NME5: variants seen among roughly 807,000 people sequenced by gnomAD.
The protein encoded by NME5 is NME/NM23 family member 5.
A neutral mutation model predicts 21.6 loss-of-function variants in NME5; 18 were observed. The ratio of observed to expected loss-of-function variants is 0.83; its 90% CI spans 0.58 to 1.24. The LOEUF (loss-of-function observed/expected upper bound fraction) is 1.24, where lower values mean the gene tolerates loss of function less well. Ranked by LOEUF, NME5 falls within the 50% of genes most tolerant of loss-of-function variation. The pLI, the probability that NME5 is intolerant of heterozygous loss-of-function variation, is 0.00. For missense variants in NME5, 223 were observed against 255.4 expected (o/e 0.87, Z 0.86); for synonymous variants, 70 against 80.6 (o/e 0.87, Z 0.71).
chr5:138,138,578 G>C, intron 2 of NME5, 74 bp downstream of exon 2: 1 of 1,311,464 alleles, frequency 7.6e-7, no homozygotes, highest in Non-Finnish European at 1.1e-6. Flanking sequence ...TAAATGGGTA[G>C]GCACATTTAC....
At chr5:138,118,164 T>C (rs1280321033) in intron 5 of NME5, among the ~76,000 whole-genome samples, 3 of 150,996 alleles carry the variant, frequency 2.0e-5, no homozygotes, top group East Asian at 2.0e-4. Flanking sequence ...CTCGCTCTGT[T>C]GCCCAGGCTG....
chr5:138,130,506 A>G (rs1272385525), intron 2 of NME5, among the ~76,000 whole-genome samples: 2 of 152,216 alleles, frequency 1.3e-5, no homozygotes, highest in East Asian at 1.9e-4. Context: ...AAGAAAAATT[A>G]GGCCAGGCAT....
chr5:138,131,108 T>C lies in NME5; in HGVS notation c.130-1640A>G, dbSNP rs1478007868. ...TAGGCCAGGCGCAGTGACTCACGCCTGTAATCCCAGCACTTTGGGAGGCCG... is the reference window on the plus strand; with the variant it reads ...TAGGCCAGGCGCAGTGACTCACGCCCGTAATCCCAGCACTTTGGGAGGCCG... On this transcript the variant is annotated intron_variant, in intron 2 of 5. Coordinates refer to ENST00000265191, the MANE Select transcript of NME5 (RefSeq NM_003551.3). Among the ~76,000 whole-genome samples, 3 of 148,690 alleles carry C rather than the reference T, an allele frequency of 2.0e-5. No individual in the cohort carries two copies. In the East Asian group the frequency reaches 6.0e-4, roughly 29 times the overall value.
At chr5:138,121,372 G>A (rs1009387004) in intron 4 of NME5, among the ~76,000 whole-genome samples, 17 of 151,926 alleles carry the variant, frequency 1.1e-4, no homozygotes, top group Non-Finnish European at 2.5e-4. Context: ...GGCTGTAGTG[G>A]GCACCACTGC....
Position 138,128,550 on chromosome 5 carries a change from A to C in NME5, c.365T>G (p.Leu122Arg). 8 of 1,612,462 alleles carry C rather than the reference A, an allele frequency of 5.0e-6. No individual in the cohort carries two copies. Among genetic ancestry groups the C allele is most frequent in the Non-Finnish European group, 6.8e-6 (8 of 1,179,530 alleles). Residue 122 changes from leucine to arginine, a missense_variant, in exon 4 of 6, where the codon CTA (leucine) becomes CGA (arginine). Coordinates refer to ENST00000265191, the MANE Select transcript of NME5 (RefSeq NM_003551.3). ...ATTACTCCCATGAAGTGCATTCCTT[A>C]GGTCATCTGTGCCATAAATTGCCCT... is the stretch of plus-strand genomic sequence containing the variant. ...SLRAIYGTDD[L>R]RNALHGSNDF...
Position 138,115,346 on chromosome 5 carries a change from A to G in NME5, c.*335T>C, listed in dbSNP as rs1751134940. The G allele has an allele frequency of 6.0e-6, 1 of 167,268 alleles. No homozygotes were observed. The highest frequency in any genetic ancestry group is 6.1e-5 in the Admixed American group (1 of 16,504). The allele number at this position is 167,268 out of a possible 1,614,324, so 10.4% of individuals were successfully genotyped here. ...AGACTGTCTCAACTGTGCATTAATT[A>G]TGTATTTAGATATAGGATATGTGCT... On this transcript the variant is annotated 3_prime_UTR_variant, in exon 6 of 6. Coordinates refer to ENST00000265191, the MANE Select transcript of NME5 (RefSeq NM_003551.3).
At chr5:138,119,040 G>A (rs1298173142) in intron 4 of NME5, 104 bp from the exon 5 acceptor site, 13 of 649,212 alleles carry the variant, frequency 2.0e-5, no homozygotes, top group Non-Finnish European at 3.1e-5. Flanking sequence ...TTTTTTATAT[G>A]TTTTTTTGAG....
At chr5:138,118,690 A>T in intron 5 of NME5, 128 bp downstream of exon 5, 1 of 552,714 alleles carries the variant, frequency 1.8e-6, no homozygotes. Context: ...TCACCATGTT[A>T]GTCAGGCTGG....
chr5:138,128,383 A>T (rs1391799939), intron 4 of NME5, 96 bp downstream of exon 4: 5 of 949,640 alleles, frequency 5.3e-6, no homozygotes, highest in East Asian at 2.7e-5. Context: ...CTGGAAAAAA[A>T]ATTATTTTAT....
At chr5:138,129,209 TC>T in intron 3 of NME5, 53 bp downstream of exon 3, 3 of 1,336,628 alleles carry the variant, frequency 2.2e-6, no homozygotes, top group South Asian at 1.3e-5. Flanking sequence ...TTTTTTTTTT[TC>T]ATTTTCACAG....
chr5:138,139,301 C>T (rs1751815185), intron 1 of NME5, 70 bp downstream of exon 1: 1 of 910,446 alleles, frequency 1.1e-6, no homozygotes, highest in African/African-American at 1.8e-5. Flanking sequence ...AAAAGCAGGG[C>T]CTCTAGGTCC....
chr5:138,138,854 C>T lies in NME5; in HGVS notation c.-5-69G>A, dbSNP rs1005526044. On this transcript the variant is annotated intron_variant, in intron 1 of 5. Coordinates refer to ENST00000265191, the MANE Select transcript of NME5 (RefSeq NM_003551.3). ...GCAATGACATGCATTTCCCCCCACC[C>T]CCATCGCAAATTCAATGTAATTATG... The T allele has an allele frequency of 2.4e-5, 34 of 1,392,550 alleles. No individual in the cohort carries two copies. In the Admixed American group the frequency reaches 6.6e-4, roughly 27 times the overall value. 86.3% of individuals were successfully genotyped at this position (1,392,550 alleles called of 1,614,324 possible).
rs376645864 is a variant in NME5 at position 138,117,033 on chromosome 5, C to A, written c.556-1269G>T. Among the ~76,000 whole-genome samples the A allele has an allele frequency of 1.6e-4, 24 of 151,734 alleles. No homozygotes were observed. In the East Asian group the frequency reaches 1.9e-3, roughly 12 times the overall value. ...GACCAGCCTGGGCAACATAGGGAGA[C>A]CCCATCTCTACAAAAAATTTTAAAA... is the stretch of plus-strand genomic sequence containing the variant. On this transcript the variant is annotated intron_variant, in intron 5 of 5. Transcript: ENST00000265191.
Position 138,138,649 on chromosome 5 carries a change from T to G in NME5, c.129+3A>C, listed in dbSNP as rs769089654. ...AGCATGAATCATCATACCCAGAAGT[T>G]ACCTGAACAATGGTGAATCCGGATC... On this transcript the variant is annotated splice_donor_region_variant and intron_variant, in intron 2 of 5. Coordinates refer to ENST00000265191, the MANE Select transcript of NME5 (RefSeq NM_003551.3). 1 of 1,609,494 alleles carries G rather than the reference T, an allele frequency of 6.2e-7. No homozygotes were observed. The highest frequency in any genetic ancestry group is 8.5e-7 in the Non-Finnish European group (1 of 1,178,858).
chr5:138,127,096 G>T (rs572735801), intron 4 of NME5, among the ~76,000 whole-genome samples: 1 of 152,268 alleles, frequency 6.6e-6, no homozygotes, highest in African/African-American at 2.4e-5. Context: ...GAGGCAGGAG[G>T]ACTGCTTTGA....
intron 4 of NME5, among the ~76,000 whole-genome samples, chr5:138,120,600 T>C (rs1422628326): frequency 2.6e-5 from 4 of 152,192 alleles, no homozygotes; most frequent in Non-Finnish European, 1.5e-5. Context: ...TTTAGTCCAA[T>C]TTATCAATAT....
intron 4 of NME5, among the ~76,000 whole-genome samples, chr5:138,127,905 C>T (rs1438961718): frequency 6.6e-6 from 1 of 152,036 alleles, no homozygotes; most frequent in Non-Finnish European, 1.5e-5. Context: ...ATGTCTAATG[C>T]AAGAGAAAAG....
At chr5:138,127,750 G>A (rs899047383) in intron 4 of NME5, 2 of 850,146 alleles carry the variant, frequency 2.4e-6, no homozygotes, top group Admixed American at 6.2e-5. Flanking sequence ...TTTCTCAATT[G>A]CATGAGACTT....
rs538858791 is a variant in NME5, at chr5:138,131,942, G to T, written c.130-2474C>A. On this transcript the variant is annotated intron_variant, in intron 2 of 5. Coordinates refer to ENST00000265191, the MANE Select transcript of NME5 (RefSeq NM_003551.3). ...TATTTTTAGTAGAGACAGGTTTTTC[G>T]CTTTGTTGGCCAGGCTGCTCTTGAA... is the stretch of plus-strand genomic sequence containing the variant. 9.9e-5 allele frequency among the ~76,000 whole-genome samples: 15 copies of T among 152,140 alleles called. No homozygotes were observed. In the South Asian group the frequency reaches 1.9e-3, roughly 19 times the overall value.
Sources: gnomAD v4.1 joint callset for allele counts (sites outside exome capture counted in the v4.1 genomes callset) on GRCh38, gnomAD v4.1.1 for gene constraint, MANE v1.5 for transcripts, NCBI Gene and HGNC (gene_info 2026-07-23, HGNC 2026-07-21) for gene names.